The following RABGAP1 variants were observed in gnomAD, a reference collection of about 807,000 sequenced individuals.
The protein encoded by RABGAP1 is rab GTPase-activating protein 1.
RABGAP1 carries 23 observed loss-of-function variants against 137.6 expected under a neutral mutation model. That is an observed-to-expected ratio of 0.17 (90% confidence interval 0.12 to 0.24). The LOEUF is 0.24. Ranked by LOEUF, RABGAP1 falls within the 10% of genes least tolerant of loss-of-function variation. RABGAP1 has a pLI of 1.00. For synonymous variants in RABGAP1, 451 were observed against 450.7 expected, an observed-to-expected ratio of 1.00 and a Z score of -0.01; for missense variants, 906 against 1,275.8, an observed-to-expected ratio of 0.71 and a Z score of 4.42.
intron 21 of RABGAP1, among the ~76,000 whole-genome samples, chr9:123,097,267 G>GT (rs1392396562): frequency 8.5e-5 from 13 of 152,210 alleles, no homozygotes; most frequent in African/African-American, 3.1e-4. Flanking sequence ...CCTTTATCAG[G>GT]TAATAACAAG....
intron 2 of RABGAP1, among the ~76,000 whole-genome samples, chr9:122,970,792 A>G (rs1295383821): frequency 6.6e-6 from 1 of 152,366 alleles, no homozygotes; most frequent in Middle Eastern, 3.4e-3. Context: ...CAGGATAGGA[A>G]TTCCCATTTT....
intron 2 of RABGAP1, among the ~76,000 whole-genome samples, chr9:122,970,074 A>ATTTTTT (rs34261698): frequency 7.0e-6 from 1 of 143,480 alleles, no homozygotes; most frequent in Non-Finnish European, 1.5e-5. Context: ...TATCCGGCTA[A>ATTTTTT]TTTTTTTTTT....
chr9:123,030,276 A>G (rs1235974106), intron 13 of RABGAP1, among the ~76,000 whole-genome samples: 1 of 152,258 alleles, frequency 6.6e-6, no homozygotes, highest in African/African-American at 2.4e-5. Flanking sequence ...CAAGTGGAAC[A>G]GAGCCCCATG....
intron 13 of RABGAP1, among the ~76,000 whole-genome samples, chr9:123,038,281 T>C (rs988153410): frequency 2.6e-5 from 4 of 152,222 alleles, no homozygotes; most frequent in Non-Finnish European, 4.4e-5. Flanking sequence ...GCTTTATTGC[T>C]GGATAAATTC....
At chr9:123,053,296 A>G (rs946506175) in intron 13 of RABGAP1, among the ~76,000 whole-genome samples, 7 of 152,210 alleles carry the variant, frequency 4.6e-5, no homozygotes, top group Non-Finnish European at 4.4e-5. Flanking sequence ...TCATAGGCTT[A>G]ACAGTCTTAT....
At chr9:122,944,297 G>C (rs866688783) in intron 1 of RABGAP1, among the ~76,000 whole-genome samples, 1 of 141,624 alleles carries the variant, frequency 7.1e-6, no homozygotes, top group Non-Finnish European at 1.5e-5. Flanking sequence ...TAGTGCTGTC[G>C]TAGCTCACCT....
rs150568008 is a variant in RABGAP1, at chr9:122,966,025, C to T, written c.150+8816C>T. Among the ~76,000 whole-genome samples, 145 of 152,190 alleles carry T rather than the reference C, an allele frequency of 9.5e-4. 2 individuals are homozygous for T. The highest frequency in any genetic ancestry group is 8.1e-3 in the Admixed American group (123 of 15,274). The stretch of plus-strand genomic sequence containing the variant: ...CTAAATCTGAACTAAAAAGTAATGG[C>T]ATTACCTCAGTAATGCCATTTACTG... On this transcript the variant is annotated intron_variant, in intron 2 of 25. Coordinates refer to ENST00000373647, the MANE Select transcript of RABGAP1 (RefSeq NM_012197.4).
intron 10 of RABGAP1, 114 bp downstream of exon 10, chr9:122,998,880 A>T: frequency 1.7e-6 from 1 of 582,324 alleles, no homozygotes; most frequent in Non-Finnish European, 2.7e-6. Context: ...TAAATATATT[A>T]AGAGGAAAAA....
intron 13 of RABGAP1, among the ~76,000 whole-genome samples, chr9:123,048,566 AAG>A (rs1167505194): frequency 1.3e-5 from 2 of 152,248 alleles, no homozygotes; most frequent in African/African-American, 2.4e-5. Context: ...AAGCTGTACT[AAG>A]AGAGCATTTG....
At chr9:122,958,273 C>T (rs766589870) in intron 2 of RABGAP1, among the ~76,000 whole-genome samples, 6 of 152,262 alleles carry the variant, frequency 3.9e-5, no homozygotes, top group Middle Eastern at 3.4e-3. Context: ...GGAGCCTGTG[C>T]GAAGCTGGGG....
intron 14 of RABGAP1, among the ~76,000 whole-genome samples, chr9:123,065,839 A>T (rs1296506403): frequency 6.6e-6 from 1 of 152,210 alleles, no homozygotes; most frequent in African/African-American, 2.4e-5. Flanking sequence ...TCACAGTGGG[A>T]AGTGTCATTG....
intron 13 of RABGAP1, among the ~76,000 whole-genome samples, chr9:123,044,099 T>G (rs1237313625): frequency 1.3e-5 from 2 of 151,978 alleles, no homozygotes; most frequent in African/African-American, 4.8e-5. Flanking sequence ...GAGACGGGGT[T>G]TCACCATGTT....
At chr9:123,060,917 G>A (rs2033946215) in intron 13 of RABGAP1, among the ~76,000 whole-genome samples, 1 of 152,204 alleles carries the variant, frequency 6.6e-6, no homozygotes, top group Non-Finnish European at 1.5e-5. Context: ...GTAGCAGGTT[G>A]TGACAAAGTT....
At chr9:123,097,166 C>A (rs700079) in intron 21 of RABGAP1, among the ~76,000 whole-genome samples, 1 of 151,960 alleles carries the variant, frequency 6.6e-6, no homozygotes, top group African/African-American at 2.4e-5. Context: ...CTCACAGATA[C>A]GCCCACTAGA....
intron 2 of RABGAP1, among the ~76,000 whole-genome samples, chr9:122,964,427 A>C (rs1269012853): frequency 1.3e-5 from 2 of 152,228 alleles, no homozygotes; most frequent in Non-Finnish European, 2.9e-5. Flanking sequence ...AAAATTATTA[A>C]TGTAATACAC....
At position 123,103,623 on chromosome 9, in the gene RABGAP1, A is replaced by ATATATATATATATG. The variant is rs2035412449; in HGVS notation, c.*423_*424insGTATATATATATAT. ...TATATATATATATATATATATATAT[A>ATATATATATATATG]TATATATATATATAGTGGGGGTGGG... On this transcript the variant is annotated 3_prime_UTR_variant, in exon 26 of 26. Transcript: ENST00000373647. The ATATATATATATATG allele has an allele frequency of 1.1e-4, 10 of 90,876 alleles. 1 individual carries two copies. The highest frequency in any genetic ancestry group is 2.3e-4 in the Admixed American group (2 of 8,824). The allele number at this position is 90,876 out of a possible 1,614,324, so 5.6% of individuals were successfully genotyped here.
chr9:122,944,606 A>G (rs1162389889), intron 1 of RABGAP1, among the ~76,000 whole-genome samples: 1 of 148,666 alleles, frequency 6.7e-6, no homozygotes, highest in Admixed American at 6.7e-5. Flanking sequence ...AGCTCACTGC[A>G]TCCTCCCAGG....
In RABGAP1 at chr9:123,050,166, C is replaced by G. The variant is rs535397586; in HGVS notation, c.1795-15182C>G. 7.9e-5 allele frequency among the ~76,000 whole-genome samples: 12 copies of G among 152,304 alleles called. 1 individual carries two copies. In the South Asian group the frequency reaches 2.3e-3, roughly 29 times the overall value. On this transcript the variant is annotated intron_variant, in intron 13 of 25. Transcript: ENST00000373647. ...TAGTTACCTCCATGTTCATGGGTATCTAATTCCAGTCTGCTCTGTGTGATG... is the reference window on the plus strand; with the variant it reads ...TAGTTACCTCCATGTTCATGGGTATGTAATTCCAGTCTGCTCTGTGTGATG...
At chr9:122,962,215 AG>A (rs1412212194) in intron 2 of RABGAP1, among the ~76,000 whole-genome samples, 1 of 152,106 alleles carries the variant, frequency 6.6e-6, no homozygotes, top group East Asian at 1.9e-4. Flanking sequence ...CATTGTTTCA[AG>A]TCCAACAGAG....
Sources: gnomAD v4.1 joint callset for allele counts (sites outside exome capture counted in the v4.1 genomes callset) on GRCh38, gnomAD v4.1.1 for gene constraint, MANE v1.5 for transcripts, NCBI Gene and HGNC (gene_info 2026-07-23, HGNC 2026-07-21) for gene names.